The following KDM4C variants were observed in gnomAD, a reference collection of about 807,000 sequenced individuals.
KDM4C encodes the protein lysine demethylase 4C, also known as lysine-specific demethylase 4C.
Under a neutral mutation model 129.3 loss-of-function variants are expected in KDM4C, and 81 were observed. The ratio of observed to expected loss-of-function variants is 0.63; its 90% confidence interval spans 0.52 to 0.75. The LOEUF (loss-of-function observed/expected upper bound fraction) is 0.75, where lower values mean the gene tolerates loss of function less well. KDM4C is among the 30% of genes least tolerant of loss of function. The probability of loss-of-function intolerance (pLI) is 0.00; values close to 1 mark genes in which losing one functional copy is unlikely to be tolerated. For synonymous variants in KDM4C, 573 were observed against 456.1 expected, an observed-to-expected ratio of 1.26 and a Z score of -3.26; for missense variants, 1,457 against 1,304.0, an observed-to-expected ratio of 1.12 and a Z score of -1.81.
At chr9:6,840,542 G>A (rs938271879) in intron 4 of KDM4C, among the ~76,000 whole-genome samples, 8 of 152,012 alleles carry the variant, frequency 5.3e-5, no homozygotes, top group Non-Finnish European at 7.4e-5. Context: ...GACTACAGGC[G>A]TCTGCCACCA....
chr9:6,861,372 G>A (rs974054351), intron 5 of KDM4C, among the ~76,000 whole-genome samples: 5 of 152,176 alleles, frequency 3.3e-5, no homozygotes, highest in African/African-American at 1.2e-4. Flanking sequence ...TCTTTCAGCT[G>A]TTGTTAATCT....
chr9:6,813,166 A>G (rs1032802127), intron 3 of KDM4C, among the ~76,000 whole-genome samples: 2 of 152,086 alleles, frequency 1.3e-5, no homozygotes, highest in Non-Finnish European at 2.9e-5. Flanking sequence ...CAAGAGTGAG[A>G]CCGTCTCAAA....
chr9:7,159,023 C>G (rs192174227), intron 19 of KDM4C, among the ~76,000 whole-genome samples: 1 of 152,224 alleles, frequency 6.6e-6, no homozygotes, highest in East Asian at 1.9e-4. Flanking sequence ...TCTGGGTGCT[C>G]CTGTATTGGG....
intron 15 of KDM4C, among the ~76,000 whole-genome samples, chr9:7,031,187 G>C (rs1826685402): frequency 6.8e-6 from 1 of 147,606 alleles, no homozygotes; most frequent in African/African-American, 2.5e-5. Context: ...TTTTGAGATG[G>C]AGTCTGGCTC....
At chr9:7,032,595 A>T (rs1322780969) in intron 15 of KDM4C, among the ~76,000 whole-genome samples, 1 of 152,234 alleles carries the variant, frequency 6.6e-6, no homozygotes, top group East Asian at 1.9e-4. Context: ...AGGCTAAGGA[A>T]TTCTTCGTCT....
At chr9:6,737,538 C>A (rs1408609111) in intron 1 of KDM4C, among the ~76,000 whole-genome samples, 1 of 151,496 alleles carries the variant, frequency 6.6e-6, no homozygotes, top group Non-Finnish European at 1.5e-5. Flanking sequence ...GTGGCAGGCA[C>A]CTGTAATCCC....
intron 2 of KDM4C, among the ~76,000 whole-genome samples, chr9:6,795,921 T>G (rs1011110757): frequency 6.6e-6 from 1 of 151,722 alleles, no homozygotes; most frequent in Admixed American, 6.6e-5. Flanking sequence ...GTCTGCCCGC[T>G]TTGGCCTCCC....
intron 18 of KDM4C, among the ~76,000 whole-genome samples, chr9:7,119,629 GAAAAAGAAAAAA>G (rs1288211494): frequency 6.9e-6 from 1 of 145,906 alleles, no homozygotes; most frequent in East Asian, 2.0e-4. Flanking sequence ...AACCAAAAAG[GAAAAAGAAAAAA>G]AAAAAGAAAG....
Position 6,962,694 on chromosome 9 carries a change from C to G in KDM4C, c.922-18231C>G, listed in dbSNP as rs536590658. ...ATCAGCTGTAATGACTGTCACAACC[C>G]TGACTCAGATTTATTTCTTCTTAAT... On this transcript the variant is annotated intron_variant, in intron 8 of 21. Coordinates refer to ENST00000381309, the MANE Select transcript of KDM4C (RefSeq NM_015061.6). 6.0e-4 allele frequency among the ~76,000 whole-genome samples: 91 copies of G among 152,118 alleles called. 1 individual carries two copies. The highest frequency in any genetic ancestry group is 5.6e-4 in the Non-Finnish European group (38 of 67,972).
chr9:6,820,869 C>A (rs1300351522), intron 4 of KDM4C, among the ~76,000 whole-genome samples: 1 of 151,648 alleles, frequency 6.6e-6, no homozygotes, highest in Non-Finnish European at 1.5e-5. Flanking sequence ...ATCCCTCCCC[C>A]AGCCCCCCAA....
intron 17 of KDM4C, among the ~76,000 whole-genome samples, chr9:7,050,398 C>G (rs1587258436): frequency 8.1e-6 from 1 of 122,988 alleles, no homozygotes; most frequent in Middle Eastern, 5.3e-3. Flanking sequence ...TTCTTCAGCT[C>G]CTGGACTTCC....
chr9:6,772,371 T>C (rs1822036295), intron 1 of KDM4C, among the ~76,000 whole-genome samples: 1 of 151,814 alleles, frequency 6.6e-6, no homozygotes, highest in African/African-American at 2.4e-5. Context: ...CTGGTCCTTT[T>C]TTTTTTTGAG....
intron 21 of KDM4C, among the ~76,000 whole-genome samples, chr9:7,173,250 GTAGAA>G (rs1845137826): frequency 6.6e-6 from 1 of 152,220 alleles, no homozygotes; most frequent in African/African-American, 2.4e-5. Context: ...GGCAGAGACA[GTAGAA>G]TAGAATAACT....
chr9:6,873,834 T>A (rs1293268898), intron 5 of KDM4C, among the ~76,000 whole-genome samples: 1 of 152,186 alleles, frequency 6.6e-6, no homozygotes, highest in Non-Finnish European at 1.5e-5. Flanking sequence ...CTTACTAAGC[T>A]AAATCATTTC....
rs2809099 is a variant in KDM4C, at chr9:6,831,395, C to G, written c.435+16650C>G. Reference sequence around the variant, plus strand: ...TTTATTTATTTTTTTTGAGACAGAGCCTCACTCTGTCGGCCAGGCTCACTG... The same window carrying G: ...TTTATTTATTTTTTTTGAGACAGAGGCTCACTCTGTCGGCCAGGCTCACTG... On this transcript the variant is annotated intron_variant, in intron 4 of 21. Coordinates refer to ENST00000381309, the MANE Select transcript of KDM4C (RefSeq NM_015061.6). Among the ~76,000 whole-genome samples, 659 of 151,472 alleles carry G rather than the reference C, an allele frequency of 4.4e-3. 10 individuals are homozygous for G. Among genetic ancestry groups the G allele is most frequent in the African/African-American group, 0.015 (615 of 41,024 alleles).
chr9:6,787,878 C>T (rs73639360), intron 1 of KDM4C, among the ~76,000 whole-genome samples: 2,151 of 152,298 alleles, frequency 0.014, 62 homozygotes, highest in African/African-American at 0.049. Context: ...AACTGGATAA[C>T]TAAGAGGGGG....
In KDM4C at chr9:7,036,572, A is replaced by G. The variant is rs77405261; in HGVS notation, c.2260-10290A>G. The stretch of plus-strand genomic sequence containing the variant: ...CTGTTCTTCTGTTCTCTTTTATGTA[A>G]ATTGTCGTCTGCTGATATTTAAATA... On this transcript the variant is annotated intron_variant, in intron 15 of 21. Coordinates refer to ENST00000381309, the MANE Select transcript of KDM4C (RefSeq NM_015061.6). Among the ~76,000 whole-genome samples, 562 of 152,228 alleles carry G rather than the reference A, an allele frequency of 3.7e-3. 2 individuals carry two copies. The highest frequency in any genetic ancestry group is 0.013 in the African/African-American group (523 of 41,544).
chr9:7,073,482 C>G (rs1833491089), intron 17 of KDM4C, among the ~76,000 whole-genome samples: 1 of 152,238 alleles, frequency 6.6e-6, no homozygotes, highest in African/African-American at 2.4e-5. Context: ...CTAAGCTATA[C>G]TCACCTTTGT....
intron 8 of KDM4C, among the ~76,000 whole-genome samples, chr9:6,970,691 C>T (rs1831816477): frequency 6.6e-6 from 1 of 152,120 alleles, no homozygotes; most frequent in South Asian, 2.1e-4. Context: ...GTTGAGAAGC[C>T]ATTTTCAACT....
Sources: gnomAD v4.1 joint callset for allele counts (sites outside exome capture counted in the v4.1 genomes callset) on GRCh38, gnomAD v4.1.1 for gene constraint, MANE v1.5 for transcripts, NCBI Gene and HGNC (gene_info 2026-07-23, HGNC 2026-07-21) for gene names.